SLC39A11: variants seen among roughly 807,000 people sequenced by gnomAD.
The protein encoded by SLC39A11 is zinc transporter ZIP11.
Under a neutral mutation model 36.1 loss-of-function variants are expected in SLC39A11, and 33 were observed. The observed-to-expected ratio is 0.91, with a 90% CI of 0.69 to 1.22. The LOEUF is 1.22. SLC39A11 is among the 50% of genes most tolerant of loss of function. The pLI is 0.00. For synonymous variants in SLC39A11, 166 were observed against 170.3 expected (o/e 0.97, Z 0.20); for missense variants, 432 against 430.3 (o/e 1.00, Z -0.03).
chr17:73,075,588 C>CA (rs1168348542), intron 3 of SLC39A11, among the ~76,000 whole-genome samples: 1 of 152,176 alleles, frequency 6.6e-6, no homozygotes, highest in Non-Finnish European at 1.5e-5. Context: ...CGCAGTGGCT[C>CA]ACGCCTATAA....
intron 7 of SLC39A11, among the ~76,000 whole-genome samples, chr17:72,713,165 G>A (rs1393744752): frequency 6.6e-6 from 1 of 152,194 alleles, no homozygotes; most frequent in Non-Finnish European, 1.5e-5. Context: ...AGCCCGTGGA[G>A]TTCGTGGTGG....
intron 5 of SLC39A11, among the ~76,000 whole-genome samples, chr17:72,940,536 G>A (rs532888719): frequency 3.8e-4 from 58 of 152,246 alleles, no homozygotes; most frequent in Non-Finnish European, 5.7e-4. Context: ...TCGGCCTCCC[G>A]AAGTGCTGGG....
intron 6 of SLC39A11, among the ~76,000 whole-genome samples, chr17:72,738,497 G>A (rs776847631): frequency 5.9e-5 from 9 of 152,064 alleles, no homozygotes; most frequent in African/African-American, 9.7e-5. Flanking sequence ...CCACCCACTC[G>A]CCTAGGGATC....
At position 72,977,787 on chromosome 17, in the gene SLC39A11, G is replaced by A. The variant is rs551386207; in HGVS notation, c.307-29912C>T. Among the ~76,000 whole-genome samples the A allele has an allele frequency of 3.3e-5, 5 of 152,300 alleles. No homozygotes were observed. In the East Asian group the frequency reaches 5.8e-4, roughly 18 times the overall value. On this transcript the variant is annotated intron_variant, in intron 4 of 9. Coordinates refer to ENST00000255559, the MANE Select transcript of SLC39A11 (RefSeq NM_139177.4). The stretch of plus-strand genomic sequence containing the variant: ...GTAGTGATATTATCCAAAGGGTAAC[G>A]GCTCCCAAAGTGAATGAATGCTTCC...
intron 5 of SLC39A11, among the ~76,000 whole-genome samples, chr17:72,912,732 T>TG (rs1420266435): frequency 6.6e-6 from 1 of 152,176 alleles, no homozygotes; most frequent in Non-Finnish European, 1.5e-5. Flanking sequence ...CACTTGGTCC[T>TG]GCCTGTGCCA....
At chr17:72,753,889 C>CAAAAAAAAA (rs35076559) in intron 6 of SLC39A11, among the ~76,000 whole-genome samples, 6 of 51,902 alleles carry the variant, frequency 1.2e-4, no homozygotes, top group African/African-American at 2.0e-4. Context: ...AGTCATTATA[C>CAAAAAAAAA]AAAAAAAAAA....
At chr17:72,861,558 C>T (rs8082204) in intron 5 of SLC39A11, among the ~76,000 whole-genome samples, 82,177 of 148,534 alleles carry the variant, frequency 0.55, 24,263 homozygotes, top group African/African-American at 0.77. Context: ...TTATCCAGAG[C>T]AGACTATGCT....
rs1387911190 is a variant in SLC39A11 at position 72,955,313 on chromosome 17, T to TTTTTTTG, written c.307-7439_307-7438insCAAAAAA. Among the ~76,000 whole-genome samples, 7 of 142,306 alleles carry TTTTTTTG rather than the reference T, an allele frequency of 4.9e-5. No individual in the cohort carries two copies. The South Asian group carries it at 7.1e-4, about 14-fold the overall frequency. 93.4% of individuals were successfully genotyped at this position (142,306 alleles called of 152,430 possible). On this transcript the variant is annotated intron_variant, in intron 4 of 9. Coordinates refer to ENST00000255559, the MANE Select transcript of SLC39A11 (RefSeq NM_139177.4). ...TTTCAGTTCTCTTTTTTTTTTTTTT[T>TTTTTTTG]TTTTTGTTTGAGACTTTCTTGTTCT...
intron 5 of SLC39A11, among the ~76,000 whole-genome samples, chr17:72,914,040 C>T (rs1184755401): frequency 6.9e-6 from 1 of 145,638 alleles, no homozygotes; most frequent in Non-Finnish European, 1.5e-5. Context: ...TGTGGTGATG[C>T]GTGGTGACTC....
chr17:72,886,218 C>T (rs541144795), intron 5 of SLC39A11, among the ~76,000 whole-genome samples: 2 of 152,306 alleles, frequency 1.3e-5, no homozygotes, highest in African/African-American at 4.8e-5. Context: ...CTCCCCTGGG[C>T]AATCTCAACC....
At chr17:72,811,708 C>T (rs2077440132) in intron 6 of SLC39A11, among the ~76,000 whole-genome samples, 1 of 152,158 alleles carries the variant, frequency 6.6e-6, no homozygotes, top group South Asian at 2.1e-4. Context: ...TTCTAAAATT[C>T]TTTGTCCACT....
At chr17:72,653,939 A>G (rs957382938) in intron 7 of SLC39A11, among the ~76,000 whole-genome samples, 15 of 152,124 alleles carry the variant, frequency 9.9e-5, no homozygotes, top group African/African-American at 3.1e-4. Context: ...AACAGGAGAG[A>G]AGGATTTGGA....
At chr17:73,004,541 G>A (rs888691906) in intron 4 of SLC39A11, among the ~76,000 whole-genome samples, 6 of 152,240 alleles carry the variant, frequency 3.9e-5, no homozygotes, top group Admixed American at 3.3e-4. Context: ...GAGAGTTGGG[G>A]CTTCAACATA....
intron 1 of SLC39A11, chr17:73,092,006 C>CT (rs1193084567): frequency 6.6e-6 from 1 of 152,226 alleles, no homozygotes; most frequent in Admixed American, 6.5e-5. Flanking sequence ...CACACATGCC[C>CT]TAACTCCACG....
intron 4 of SLC39A11, among the ~76,000 whole-genome samples, chr17:73,023,429 G>A (rs1186286275): frequency 6.6e-6 from 1 of 152,172 alleles, no homozygotes; most frequent in Non-Finnish European, 1.5e-5. Flanking sequence ...TAGGAGGACT[G>A]CTTGAGCCCA....
rs116029454 is a variant in SLC39A11, at chr17:72,682,769, G to C, written c.672-33501C>G. ...TCATGAAGTGGTTTCCACTGTAAAGGAAGCTGCTGATTCACGTGGAGACTC... is the reference window on the plus strand; with the variant it reads ...TCATGAAGTGGTTTCCACTGTAAAGCAAGCTGCTGATTCACGTGGAGACTC... On this transcript the variant is annotated intron_variant, in intron 7 of 9. Coordinates refer to ENST00000255559, the MANE Select transcript of SLC39A11 (RefSeq NM_139177.4). Among the ~76,000 whole-genome samples, 547 of 152,328 alleles carry C rather than the reference G, an allele frequency of 3.6e-3. 3 individuals are homozygous for C. Among genetic ancestry groups the C allele is most frequent in the African/African-American group, 0.013 (530 of 41,580 alleles).
chr17:73,057,402 A>C (rs1427614822), intron 3 of SLC39A11, among the ~76,000 whole-genome samples: 1 of 152,206 alleles, frequency 6.6e-6, no homozygotes, highest in Admixed American at 6.5e-5. Flanking sequence ...TTTTATGTTG[A>C]CTGACAATTC....
chr17:72,899,239 C>A (rs1426794595), intron 5 of SLC39A11, among the ~76,000 whole-genome samples: 4 of 149,720 alleles, frequency 2.7e-5, no homozygotes, highest in African/African-American at 9.8e-5. Flanking sequence ...CCCTGCTGTA[C>A]CCCACCTTGC....
At chr17:72,841,908 A>AC (rs2078830851) in intron 6 of SLC39A11, among the ~76,000 whole-genome samples, 1 of 47,270 alleles carries the variant, frequency 2.1e-5, no homozygotes, top group Non-Finnish European at 4.1e-5. Flanking sequence ...CAAAAAATAC[A>AC]AAAAAAAAAA....
Sources: gnomAD v4.1 joint callset for allele counts (sites outside exome capture counted in the v4.1 genomes callset) on GRCh38, gnomAD v4.1.1 for gene constraint, MANE v1.5 for transcripts, NCBI Gene and HGNC (gene_info 2026-07-23, HGNC 2026-07-21) for gene names.